ZNF71: variants seen among roughly 807,000 people sequenced by gnomAD.
ZNF71 encodes the protein zinc finger protein 71, also known as endothelial zinc finger protein induced by tumor necrosis factor alpha.
Under a neutral mutation model 6.7 loss-of-function variants are expected in ZNF71, and 3 were observed. The ratio of observed to expected loss-of-function variants is 0.45; its 90% CI spans 0.20 to 1.16. The LOEUF is 1.16. Ranked by LOEUF, ZNF71 falls within the 50% of genes most tolerant of loss-of-function variation. The pLI is 0.25. For synonymous variants in ZNF71, 343 were observed against 311.1 expected, an observed-to-expected ratio of 1.10 and a Z score of -1.08; for missense variants, 688 against 728.6, an observed-to-expected ratio of 0.94 and a Z score of 0.64.
rs2044644502 is a variant in ZNF71, at chr19:56,598,704, T to G, written c.-52-2803T>G. Among the ~76,000 whole-genome samples the G allele has an allele frequency of 6.6e-6, 1 of 152,168 alleles. No homozygotes were observed. Among genetic ancestry groups the G allele is most frequent in the Non-Finnish European group, 1.5e-5 (1 of 68,026 alleles). ...CGCCCATAGCACTCCCCTGCCAAAT[T>G]ATGACAGTTTGGCAAATGTCTCTAG... On this transcript the variant is annotated intron_variant, in intron 1 of 3. Transcript: ENST00000599599. The surrounding 1 kb of genome is among the most constrained non-coding windows in gnomAD (Gnocchi z 4.2).
At chr19:56,607,052 T>G (rs2009941) in intron 2 of ZNF71, among the ~76,000 whole-genome samples, 99,441 of 152,028 alleles carry the variant, frequency 0.65, 33,165 homozygotes, top group African/African-American at 0.78. Context: ...AATATAACTG[T>G]ATCAGAAATT....
At chr19:56,599,084 T>C (rs2044647177) in intron 1 of ZNF71, among the ~76,000 whole-genome samples, 3 of 152,254 alleles carry the variant, frequency 2.0e-5, no homozygotes, top group Admixed American at 6.5e-5. Flanking sequence ...ACAAGAGCAT[T>C]GTGTTGGAGA....
intron 2 of ZNF71, among the ~76,000 whole-genome samples, chr19:56,604,256 C>A (rs992898078): frequency 6.6e-6 from 1 of 152,130 alleles, no homozygotes; most frequent in Admixed American, 6.5e-5. Flanking sequence ...TCTGCAAACT[C>A]ATCAAGTTAT....
intron 2 of ZNF71, among the ~76,000 whole-genome samples, chr19:56,609,421 C>T (rs1005981882): frequency 1.3e-5 from 2 of 152,144 alleles, no homozygotes; most frequent in South Asian, 2.1e-4. Flanking sequence ...AAAGAAACCC[C>T]ATACCCATTG....
intron 2 of ZNF71, among the ~76,000 whole-genome samples, chr19:56,605,863 A>C (rs2148008407): frequency 6.6e-6 from 1 of 152,340 alleles, no homozygotes; most frequent in East Asian, 1.9e-4. Flanking sequence ...TCTGATCCAA[A>C]CTAAACTGCT....
chr19:56,599,947 C>T lies in ZNF71; in HGVS notation c.-52-1560C>T, dbSNP rs180823934. ...CCGCCCGCCTCGGCCTCCCAAAGTG[C>T]TGGGATTACAGGCATGAGCCACTGC... On this transcript the variant is annotated intron_variant, in intron 1 of 3. Transcript: ENST00000599599. 3.6e-3 allele frequency among the ~76,000 whole-genome samples: 545 copies of T among 152,096 alleles called. 5 individuals are homozygous for T. The highest frequency in any genetic ancestry group is 0.012 in the African/African-American group (501 of 41,494).
At position 56,613,868 on chromosome 19, in the gene ZNF71, G is replaced by C. The variant is rs2044770214; in HGVS notation, c.90G>C (p.Gln30His). 1 of 1,117,784 alleles carries C rather than the reference G, an allele frequency of 8.9e-7. No homozygotes were observed. Among genetic ancestry groups the C allele is most frequent in the African/African-American group, 1.7e-5 (1 of 60,138 alleles). 69.2% of individuals were successfully genotyped at this position (1,117,784 alleles called of 1,614,324 possible). A position where few individuals can be genotyped will look rare whatever the true frequency, so the allele number is the denominator to read the frequency against. ...TVDFTQEEWQ[Q>H]LEPAQKDLYR... ...ACTTCACCCAGGAGGAGTGGCAGCA[G>C]CTGGAGCCTGCCCAGAAGGACCTGT... Residue 30 changes from glutamine (Q) to histidine (H), a missense_variant, in exon 3 of 4, where the codon CAG becomes CAC. Gln to His is a conservative substitution (Grantham distance 24). Transcript: ENST00000599599. This position sits in a 1 kb window ranked among gnomAD's most constrained non-coding sequence, Gnocchi z 4.6.
chr19:56,600,907 A>G lies in ZNF71; in HGVS notation c.-52-600A>G, dbSNP rs545166014. On this transcript the variant is annotated intron_variant, in intron 1 of 3. Coordinates refer to ENST00000599599, the MANE Select transcript of ZNF71 (RefSeq NM_001370215.1). The stretch of plus-strand genomic sequence containing the variant: ...CCCTGGGTGGAAGTTCCTTACACTC[A>G]TATCTGCTAGTTGAACCTCATGGTA... 2.6e-5 allele frequency among the ~76,000 whole-genome samples: 4 copies of G among 152,252 alleles called. No homozygotes were observed. The South Asian group carries it at 8.3e-4, about 32-fold the overall frequency.
intron 2 of ZNF71, among the ~76,000 whole-genome samples, chr19:56,607,169 A>T (rs983090806): frequency 6.6e-6 from 1 of 152,150 alleles, no homozygotes; most frequent in African/African-American, 2.4e-5. Context: ...ACGTATTCTG[A>T]TATATTCTAA....
intron 2 of ZNF71, among the ~76,000 whole-genome samples, chr19:56,608,114 T>C (rs143546466): frequency 6.6e-6 from 1 of 152,346 alleles, no homozygotes; most frequent in African/African-American, 2.4e-5. Flanking sequence ...AAATTTCTTA[T>C]TGTGCTAAAA....
intron 2 of ZNF71, chr19:56,610,474 G>A (rs917348305): frequency 1.3e-5 from 2 of 151,972 alleles, no homozygotes; most frequent in Non-Finnish European, 2.9e-5. Context: ...TTATGGCTGT[G>A]TGTATTCCAC....
rs1211716644 is a variant in ZNF71 at position 56,623,085 on chromosome 19, T to C, written c.*328T>C. 3 of 315,460 alleles carry C rather than the reference T, an allele frequency of 9.5e-6. No homozygotes were observed. Among genetic ancestry groups the C allele is most frequent in the Non-Finnish European group, 1.9e-5 (3 of 161,572 alleles). 19.5% of individuals were successfully genotyped at this position (315,460 alleles called of 1,614,324 possible). A position where few individuals can be genotyped will look rare whatever the true frequency, so the allele number is the denominator to read the frequency against. ...AGAGCTGGGACAGGTCACGCCTGCCTCCACATCTCTGTTTCTTCAGCGGGA... is the reference window on the plus strand; with the variant it reads ...AGAGCTGGGACAGGTCACGCCTGCCCCCACATCTCTGTTTCTTCAGCGGGA... On this transcript the variant is annotated 3_prime_UTR_variant, in exon 4 of 4. Transcript: ENST00000599599.
chr19:56,621,333 T>C lies in ZNF71; in HGVS notation c.226T>C (p.Ser76Pro). ...PKNDISEDKLSVVGEATGGPT... is the reference protein window; with the variant it reads ...PKNDISEDKLPVVGEATGGPT... ...GAATGACATTTCGGAAGACAAGCTCTCCGTTGTTGGGGAGGCCACGGGGGG... is the reference window on the plus strand; with the variant it reads ...GAATGACATTTCGGAAGACAAGCTCCCCGTTGTTGGGGAGGCCACGGGGGG... Residue 76 changes from serine (S) to proline (P), a missense_variant, in exon 4 of 4, where the codon TCC becomes CCC. Ser to Pro is a moderately conservative substitution (Grantham distance 74). Transcript: ENST00000599599. The C allele has an allele frequency of 1.3e-6, 2 of 1,537,188 alleles. No homozygotes were observed. The highest frequency in any genetic ancestry group is 1.7e-6 in the Non-Finnish European group (2 of 1,143,474).
At chr19:56,605,822 A>G (rs141582818) in intron 2 of ZNF71, among the ~76,000 whole-genome samples, 72 of 152,348 alleles carry the variant, frequency 4.7e-4, no homozygotes, top group African/African-American at 1.6e-3. Context: ...TGTCTTCTTT[A>G]TAGGCAAAAG....
chr19:56,596,196 C>T (rs1053533560), intron 1 of ZNF71, among the ~76,000 whole-genome samples: 2 of 152,002 alleles, frequency 1.3e-5, no homozygotes, highest in African/African-American at 2.4e-5. Flanking sequence ...CTGCTCTTTC[C>T]ATGCATGTCT....
In ZNF71 at chr19:56,622,633, A is replaced by G. The variant is rs1339536460; in HGVS notation, c.1526A>G (p.Lys509Arg). 1 of 1,613,746 alleles carries G rather than the reference A, an allele frequency of 6.2e-7. No homozygotes were observed. Among genetic ancestry groups the G allele is most frequent in the Non-Finnish European group, 8.5e-7 (1 of 1,179,916 alleles). Residue 509 changes from lysine (K) to arginine (R), a missense_variant, in exon 4 of 4, where the codon AAG becomes AGG. By Grantham distance (26) the Lys-to-Arg change is conservative. Coordinates refer to ENST00000599599, the MANE Select transcript of ZNF71 (RefSeq NM_001370215.1). The part of the protein sequence containing the change: ...RCGQCGKSFI[K>R]NSSLTVHQRI... Reference sequence around the variant, plus strand: ...GGCCAGTGCGGGAAGTCCTTCATCAAGAACTCCTCCCTCACTGTGCACCAG... The same window carrying G: ...GGCCAGTGCGGGAAGTCCTTCATCAGGAACTCCTCCCTCACTGTGCACCAG...
At position 56,623,870 on chromosome 19, in the gene ZNF71, A is replaced by G. The variant is rs1335120452; in HGVS notation, c.*1113A>G. 1.2e-5 allele frequency: 2 copies of G among 167,094 alleles called. No homozygotes were observed. The highest frequency in any genetic ancestry group is 2.9e-5 in the Non-Finnish European group (2 of 68,128). The allele number at this position is 167,094 out of a possible 1,614,324, so 10.4% of individuals were successfully genotyped here. On this transcript the variant is annotated 3_prime_UTR_variant, in exon 4 of 4. Transcript: ENST00000599599. ...CCTTATAAGGGTGCTAATCCCAGTC[A>G]CAAGGGCCCTGACCTCATGACCTCC...
chr19:56,613,896 A>G lies in ZNF71; in HGVS notation c.118A>G (p.Arg40Gly). 1 of 1,091,594 alleles carries G rather than the reference A, an allele frequency of 9.2e-7. No individual in the cohort carries two copies. Among genetic ancestry groups the G allele is most frequent in the Non-Finnish European group, 1.1e-6 (1 of 880,774 alleles). The allele number at this position is 1,091,594 out of a possible 1,614,324, so 67.6% of individuals were successfully genotyped here. A position where few individuals can be genotyped will look rare whatever the true frequency, so the allele number is the denominator to read the frequency against. ...QLEPAQKDLY[R>G]DVMLENYRNL... is the part of the protein sequence containing the mutation. ...GGAGCCTGCCCAGAAGGACCTGTACAGGGATGTCATGCTGGAGAACTACAG... is the reference window on the plus strand; with the variant it reads ...GGAGCCTGCCCAGAAGGACCTGTACGGGGATGTCATGCTGGAGAACTACAG... The change falls in exon 3 of 4, where the codon AGG becomes GGG. Residue 40 changes from arginine to glycine, a missense_variant. By Grantham distance (125) the Arg-to-Gly change is moderately radical. Transcript: ENST00000599599. The surrounding 1 kb of genome is among the most constrained non-coding windows in gnomAD (Gnocchi z 4.6).
At chr19:56,619,275 A>G (rs1374643475) in intron 3 of ZNF71, among the ~76,000 whole-genome samples, 1 of 151,880 alleles carries the variant, frequency 6.6e-6, no homozygotes, top group East Asian at 1.9e-4. Flanking sequence ...AGCTCTTTTC[A>G]TCTCCCGCAA....
Sources: allele counts gnomAD v4.1 joint callset (sites outside exome capture counted in the v4.1 genomes callset), GRCh38; gene constraint gnomAD v4.1.1; non-coding constraint Gnocchi (gnomAD v3.1); transcripts MANE v1.5; gene names NCBI Gene and HGNC (gene_info 2026-07-23, HGNC 2026-07-21).